Variants in GSK3B observed in about 807,000 individuals in gnomAD.
The protein encoded by GSK3B is glycogen synthase kinase-3 beta.
GSK3B carries 15 observed loss-of-function variants against 56.4 expected under a neutral mutation model. The observed-to-expected ratio is 0.27, with a 90% CI of 0.18 to 0.41. The LOEUF is 0.41. Ranked by LOEUF, GSK3B falls within the 10% of genes least tolerant of loss-of-function variation. GSK3B has a pLI of 1.00. For missense variants in GSK3B, 300 were observed against 513.4 expected, an observed-to-expected ratio of 0.58 and a Z score of 4.02; for synonymous variants, 181 against 188.9, an observed-to-expected ratio of 0.96 and a Z score of 0.34.
At chr3:120,054,311 C>T (rs1292570213) in intron 1 of GSK3B, among the ~76,000 whole-genome samples, 1 of 152,156 alleles carries the variant, frequency 6.6e-6, no homozygotes, top group Admixed American at 6.5e-5. Flanking sequence ...GCTTCATAGG[C>T]AAACTTTTCA....
At chr3:119,910,887 A>T (rs1473910802) in intron 6 of GSK3B, among the ~76,000 whole-genome samples, 1 of 152,220 alleles carries the variant, frequency 6.6e-6, no homozygotes, top group Admixed American at 6.5e-5. Flanking sequence ...CATCCATAAA[A>T]GAAGCAACTT....
chr3:119,867,389 G>A (rs1392275341), intron 8 of GSK3B, among the ~76,000 whole-genome samples: 1 of 152,078 alleles, frequency 6.6e-6, no homozygotes, highest in Non-Finnish European at 1.5e-5. Flanking sequence ...TGTGGGCTTT[G>A]CCCGCTCATA....
chr3:119,995,799 G>A (rs561370057), intron 2 of GSK3B, among the ~76,000 whole-genome samples: 11 of 148,478 alleles, frequency 7.4e-5, no homozygotes, highest in African/African-American at 2.8e-4. Flanking sequence ...GTGCAGTGGC[G>A]CAATCTTGGC....
chr3:119,868,423 G>A (rs2056210130), intron 8 of GSK3B, among the ~76,000 whole-genome samples: 1 of 152,180 alleles, frequency 6.6e-6, no homozygotes, highest in South Asian at 2.1e-4. Context: ...AAATGACAGA[G>A]GCAATTTCTG....
chr3:119,931,396 T>C (rs1419376710), intron 3 of GSK3B, among the ~76,000 whole-genome samples: 1 of 152,150 alleles, frequency 6.6e-6, no homozygotes, highest in East Asian at 1.9e-4. Context: ...TGGGTGGATC[T>C]CTTGAGCCCG....
intron 3 of GSK3B, among the ~76,000 whole-genome samples, chr3:119,931,863 G>T (rs1284735845): frequency 2.0e-5 from 3 of 152,014 alleles, no homozygotes; most frequent in Non-Finnish European, 2.9e-5. Flanking sequence ...GTATAATTTA[G>T]GGAGTATTTC....
chr3:119,893,790 T>C (rs182316429), intron 7 of GSK3B, among the ~76,000 whole-genome samples: 3 of 152,038 alleles, frequency 2.0e-5, no homozygotes, highest in African/African-American at 4.8e-5. Context: ...TGCAAAACTA[T>C]AGTCAGGGTT....
chr3:119,903,151 G>A (rs773259584), intron 7 of GSK3B, among the ~76,000 whole-genome samples: 2 of 152,112 alleles, frequency 1.3e-5, no homozygotes, highest in African/African-American at 2.4e-5. Flanking sequence ...TAGAGCCTCC[G>A]TGCAATGTGT....
chr3:120,074,047 G>A (rs553433363), intron 1 of GSK3B, among the ~76,000 whole-genome samples: 3 of 152,278 alleles, frequency 2.0e-5, no homozygotes, highest in South Asian at 2.1e-4. Context: ...GCTCACGACT[G>A]TAATCCCAGC....
chr3:120,067,280 C>T (rs1478739250), intron 1 of GSK3B, among the ~76,000 whole-genome samples: 1 of 150,748 alleles, frequency 6.6e-6, no homozygotes, highest in South Asian at 2.1e-4. Context: ...CACATGACAC[C>T]TGATGTTATG....
chr3:120,068,189 G>C (rs1038131146), intron 1 of GSK3B, among the ~76,000 whole-genome samples: 8 of 151,024 alleles, frequency 5.3e-5, no homozygotes, highest in Admixed American at 4.6e-4. Flanking sequence ...TCAGGTGTTC[G>C]AGACCAGCCT....
intron 7 of GSK3B, among the ~76,000 whole-genome samples, chr3:119,890,046 T>G (rs2056484876): frequency 6.6e-6 from 1 of 152,134 alleles, no homozygotes; most frequent in African/African-American, 2.4e-5. Flanking sequence ...TGATGTGTTG[T>G]TGGTGGGAGT....
At chr3:120,073,077 A>G (rs147929851) in intron 1 of GSK3B, among the ~76,000 whole-genome samples, 1 of 152,076 alleles carries the variant, frequency 6.6e-6, no homozygotes, top group Non-Finnish European at 1.5e-5. Context: ...CTTCTCTAAG[A>G]TTCAGTTTCA....
chr3:119,934,124 G>A (rs1344501020), intron 3 of GSK3B, among the ~76,000 whole-genome samples: 1 of 152,112 alleles, frequency 6.6e-6, no homozygotes, highest in Non-Finnish European at 1.5e-5. Flanking sequence ...GAAGTATAGG[G>A]GCATAATTCC....
At chr3:120,085,746 C>G (rs906656125) in intron 1 of GSK3B, among the ~76,000 whole-genome samples, 3 of 151,792 alleles carry the variant, frequency 2.0e-5, no homozygotes, top group African/African-American at 7.3e-5. Context: ...GTGGCGGTTG[C>G]AGTGAGCCAA....
chr3:119,938,223 TA>T (rs2057014640), intron 3 of GSK3B, among the ~76,000 whole-genome samples: 1 of 152,096 alleles, frequency 6.6e-6, no homozygotes, highest in African/African-American at 2.4e-5. Flanking sequence ...ATAATCTTTC[TA>T]AGACTCTTCT....
chr3:119,840,832 C>T (rs1025681934), intron 10 of GSK3B, among the ~76,000 whole-genome samples: 1 of 152,288 alleles, frequency 6.6e-6, no homozygotes, highest in African/African-American at 2.4e-5. Flanking sequence ...AGTTCATTTA[C>T]TGTATCTCTT....
chr3:119,887,392 G>T (rs1276941450), intron 7 of GSK3B, among the ~76,000 whole-genome samples: 1 of 151,704 alleles, frequency 6.6e-6, no homozygotes, highest in Non-Finnish European at 1.5e-5. Flanking sequence ...TGACAGAGAA[G>T]ACAGAATTGG....
chr3:119,957,256 A>T (rs1204613216), intron 2 of GSK3B, among the ~76,000 whole-genome samples: 3 of 152,218 alleles, frequency 2.0e-5, no homozygotes, highest in Admixed American at 6.5e-5. Context: ...CTGCCTAGGT[A>T]GGCTTAACAT....
Sources: gnomAD v4.1 joint callset for allele counts (sites outside exome capture counted in the v4.1 genomes callset) on GRCh38, gnomAD v4.1.1 for gene constraint, MANE v1.5 for transcripts, NCBI Gene and HGNC (gene_info 2026-07-23, HGNC 2026-07-21) for gene names.